PTPRM: variants seen among roughly 807,000 people sequenced by gnomAD.
The protein encoded by PTPRM is protein tyrosine phosphatase receptor type M.
In PTPRM, 47 loss-of-function variants were observed where a neutral mutation model predicts 186.7. The observed-to-expected ratio is 0.25, with a 90% CI of 0.20 to 0.32. PTPRM has a LOEUF of 0.32. Ranked by LOEUF, PTPRM falls within the 10% of genes least tolerant of loss-of-function variation. The pLI is 1.00. For missense variants in PTPRM, 1,494 were observed against 1,865.0 expected, an observed-to-expected ratio of 0.80 and a Z score of 3.66; for synonymous variants, 668 against 674.9, an observed-to-expected ratio of 0.99 and a Z score of 0.16.
intron 7 of PTPRM, among the ~76,000 whole-genome samples, chr18:7,999,327 G>A (rs957577339): frequency 2.2e-4 from 34 of 152,184 alleles, no homozygotes; most frequent in South Asian, 6.2e-4. Context: ...TTTTCTCATC[G>A]GTGTTATAAC....
chr18:8,035,416 CT>C (rs1296011833), intron 7 of PTPRM, among the ~76,000 whole-genome samples: 7 of 152,168 alleles, frequency 4.6e-5, no homozygotes, highest in African/African-American at 1.7e-4. Context: ...ACACCAAAAT[CT>C]GCAGCTACTC....
intron 14 of PTPRM, chr18:8,154,773 C>T (rs529417143): frequency 5.3e-4 from 80 of 152,338 alleles, no homozygotes; most frequent in African/African-American, 1.9e-3. Context: ...ACATGACCAT[C>T]AGCTTTATTT....
At chr18:7,648,880 T>C (rs955487186) in intron 1 of PTPRM, among the ~76,000 whole-genome samples, 1 of 152,210 alleles carries the variant, frequency 6.6e-6, no homozygotes, top group African/African-American at 2.4e-5. Flanking sequence ...TTGATGAAGG[T>C]GGCTACACTA....
chr18:8,089,820 G>A (rs538873244), intron 11 of PTPRM, among the ~76,000 whole-genome samples: 2 of 152,176 alleles, frequency 1.3e-5, no homozygotes, highest in South Asian at 4.2e-4. Context: ...TATATATGGA[G>A]GTTTCGGTTC....
intron 2 of PTPRM, among the ~76,000 whole-genome samples, chr18:7,830,488 C>T (rs1355342331): frequency 3.9e-5 from 6 of 152,190 alleles, no homozygotes; most frequent in African/African-American, 1.2e-4. Flanking sequence ...CTACTACACA[C>T]CTAGGCCATT....
At chr18:8,099,217 A>AC (rs1403757328) in intron 11 of PTPRM, among the ~76,000 whole-genome samples, 1 of 148,524 alleles carries the variant, frequency 6.7e-6, no homozygotes, top group Admixed American at 6.7e-5. Context: ...CCCAGATGTC[A>AC]CCTCCTTGGA....
intron 29 of PTPRM, 62 bp downstream of exon 29, chr18:8,380,489 G>A: frequency 1.9e-6 from 3 of 1,593,814 alleles, no homozygotes; most frequent in Non-Finnish European, 2.6e-6. Context: ...TTTTTACACT[G>A]AGTTTGTTTG....
intron 5 of PTPRM, among the ~76,000 whole-genome samples, chr18:7,929,928 C>T (rs576599414): frequency 2.4e-4 from 36 of 152,294 alleles, no homozygotes; most frequent in African/African-American, 8.2e-4. Context: ...CAAAATAATC[C>T]TGAGATCCAG....
chr18:7,825,692 G>A (rs549882247), intron 2 of PTPRM, among the ~76,000 whole-genome samples: 1 of 152,108 alleles, frequency 6.6e-6, no homozygotes, highest in Non-Finnish European at 1.5e-5. Context: ...CCATCCCCTA[G>A]AAGTAAGCAC....
chr18:8,257,042 G>A (rs1241748980), intron 19 of PTPRM, among the ~76,000 whole-genome samples: 6 of 152,210 alleles, frequency 3.9e-5, no homozygotes, highest in Non-Finnish European at 7.3e-5. Flanking sequence ...GACAGGGCAG[G>A]AGAAGGCAGC....
At position 7,567,759 on chromosome 18, in the gene PTPRM, C is replaced by A. The variant is rs2036459988; in HGVS notation, c.-60C>A. ...CCTCGGAACCAAAGCTCCCGGCCCC[C>A]TCCGCCCTCGCGCGCCCACCCACCG... On this transcript the variant is annotated 5_prime_UTR_variant, in exon 1 of 33. Coordinates refer to ENST00000580170, the MANE Select transcript of PTPRM (RefSeq NM_001105244.2). The surrounding 1 kb of genome is among the most constrained non-coding windows in gnomAD (Gnocchi z 4.3). 6.9e-6 allele frequency: 10 copies of A among 1,454,558 alleles called. No homozygotes were observed. In the South Asian group the frequency reaches 1.2e-4, roughly 17 times the overall value. The allele number at this position is 1,454,558 out of a possible 1,614,324, so 90.1% of individuals were successfully genotyped here. A position where few individuals can be genotyped will look rare whatever the true frequency, so the allele number is the denominator to read the frequency against.
chr18:8,370,000 T>C (rs1339409093), intron 23 of PTPRM, among the ~76,000 whole-genome samples: 2 of 151,846 alleles, frequency 1.3e-5, no homozygotes, highest in African/African-American at 4.8e-5. Flanking sequence ...ATTCAGCACA[T>C]GGAGAAACAG....
At chr18:7,984,126 C>T (rs2082703768) in intron 7 of PTPRM, among the ~76,000 whole-genome samples, 1 of 152,144 alleles carries the variant, frequency 6.6e-6, no homozygotes, top group African/African-American at 2.4e-5. Context: ...CTATGAAGCA[C>T]CTGGTGTTTC....
At chr18:8,249,420 TA>T (rs2094507219) in intron 17 of PTPRM, among the ~76,000 whole-genome samples, 1 of 152,200 alleles carries the variant, frequency 6.6e-6, no homozygotes, top group African/African-American at 2.4e-5. Flanking sequence ...CACACACTTT[TA>T]ATACCAATTA....
intron 14 of PTPRM, among the ~76,000 whole-genome samples, chr18:8,236,009 A>C (rs976136324): frequency 1.3e-5 from 2 of 152,178 alleles, no homozygotes; most frequent in African/African-American, 4.8e-5. Flanking sequence ...CTATCTGGTG[A>C]ATGTACCCTG....
At chr18:8,244,024 T>G in intron 14 of PTPRM, 34 bp from the exon 15 acceptor site, 1 of 1,591,656 alleles carries the variant, frequency 6.3e-7, no homozygotes, top group Non-Finnish European at 8.6e-7. Flanking sequence ...CCCGTTCAAA[T>G]GCATGCCTAC....
chr18:8,279,589 A>G (rs1451760953), intron 19 of PTPRM, among the ~76,000 whole-genome samples: 2 of 152,170 alleles, frequency 1.3e-5, no homozygotes, highest in African/African-American at 4.8e-5. Flanking sequence ...TTTAATCAGC[A>G]TATCACAGGT....
At chr18:8,370,832 G>T in intron 23 of PTPRM, 58 bp from the exon 24 acceptor site, 1 of 1,014,372 alleles carries the variant, frequency 9.9e-7, no homozygotes, top group Non-Finnish European at 1.5e-6. Flanking sequence ...ACCCATCATG[G>T]GAGGAACTCC....
intron 22 of PTPRM, among the ~76,000 whole-genome samples, chr18:8,337,782 T>C (rs2095448687): frequency 6.6e-6 from 1 of 151,958 alleles, no homozygotes; most frequent in African/African-American, 2.4e-5. Flanking sequence ...GGGAGGACGC[T>C]GGGAAGGAGC....
Sources: gnomAD v4.1 joint callset for allele counts (sites outside exome capture counted in the v4.1 genomes callset) on GRCh38, gnomAD v4.1.1 for gene constraint, Gnocchi (gnomAD v3.1) non-coding constraint, MANE v1.5 for transcripts, NCBI Gene and HGNC (gene_info 2026-07-23, HGNC 2026-07-21) for gene names.